Variants in SYPL1 observed in about 807,000 individuals in gnomAD.
The protein encoded by SYPL1 is synaptophysin-like protein 1.
SYPL1 carries 6 observed loss-of-function variants against 23.7 expected under a neutral mutation model. That is an observed-to-expected ratio of 0.25 (90% CI 0.14 to 0.50). The LOEUF is 0.50. SYPL1 is among the 20% of genes least tolerant of loss of function. The probability of loss-of-function intolerance (pLI) is 0.98; values close to 1 mark genes in which losing one functional copy is unlikely to be tolerated. For missense variants in SYPL1, 253 were observed against 288.9 expected, an observed-to-expected ratio of 0.88 and a Z score of 0.90; for synonymous variants, 102 against 104.5, an observed-to-expected ratio of 0.98 and a Z score of 0.15.
At position 106,097,509 on chromosome 7, in the gene SYPL1, G is replaced by A. The variant is rs973550282; in HGVS notation, c.402+181C>T. 6.6e-6 allele frequency among the ~76,000 whole-genome samples: 1 copy of A among 151,980 alleles called. No homozygotes were observed. The highest frequency in any genetic ancestry group is 6.6e-5 in the Admixed American group (1 of 15,264). ...AAAAAAGAAATAAACTTTCCTTATAGTGCAAATAGGCTAAAAAAAATTGAG... is the reference window on the plus strand; with the variant it reads ...AAAAAAGAAATAAACTTTCCTTATAATGCAAATAGGCTAAAAAAAATTGAG... On this transcript the variant is annotated intron_variant, in intron 3 of 4. Coordinates refer to ENST00000455385, the MANE Select transcript of SYPL1 (RefSeq NM_182715.4). The surrounding 1 kb of genome is among the most constrained non-coding windows in gnomAD (Gnocchi z 4.6).
chr7:106,099,079 C>G (rs1207720362), intron 2 of SYPL1, 79 bp downstream of exon 2: 13 of 1,535,906 alleles, frequency 8.5e-6, no homozygotes, highest in Non-Finnish European at 1.1e-5. Context: ...CCCCCACAAT[C>G]AATAAATTGC....
chr7:106,095,794 T>C lies in SYPL1; in HGVS notation c.402+1896A>G, dbSNP rs1173726912. ...CTTAAGGAATTTTGGATTATCTCTTTATATGACCACTAATTGGTCATTCTG... is the reference window on the plus strand; with the variant it reads ...CTTAAGGAATTTTGGATTATCTCTTCATATGACCACTAATTGGTCATTCTG... On this transcript the variant is annotated intron_variant, in intron 3 of 4. Transcript: ENST00000455385. The surrounding 1 kb of genome is among the most constrained non-coding windows in gnomAD (Gnocchi z 4.3). Among the ~76,000 whole-genome samples the C allele has an allele frequency of 6.6e-6, 1 of 152,242 alleles. No individual in the cohort carries two copies. Among genetic ancestry groups the C allele is most frequent in the Non-Finnish European group, 1.5e-5 (1 of 68,042 alleles).
intron 1 of SYPL1, chr7:106,111,792 A>T (rs1189473850): frequency 2.5e-5 from 4 of 160,052 alleles, no homozygotes; most frequent in Non-Finnish European, 2.7e-5. Context: ...TTTCGGTTAG[A>T]CCGCAGCAGG....
At chr7:106,093,550 C>CTGTACTA (rs1192706295) in intron 3 of SYPL1, among the ~76,000 whole-genome samples, 7 of 69,760 alleles carry the variant, frequency 1.0e-4, no homozygotes, top group East Asian at 1.7e-3. Context: ...TCTGGCACCC[C>CTGTACTA]AATCCTAAAA....
At chr7:106,107,160 G>A (rs1840644247) in intron 1 of SYPL1, among the ~76,000 whole-genome samples, 1 of 152,178 alleles carries the variant, frequency 6.6e-6, no homozygotes, top group African/African-American at 2.4e-5. Context: ...TAAGTCAAAT[G>A]ATCATTCAGC....
In SYPL1 at chr7:106,099,591, G is replaced by A. The variant is rs542149500; in HGVS notation, c.70-309C>T. Among the ~76,000 whole-genome samples, 15 of 152,068 alleles carry A rather than the reference G, an allele frequency of 9.9e-5. No individual in the cohort carries two copies. The South Asian group carries it at 1.2e-3, about 13-fold the overall frequency. On this transcript the variant is annotated intron_variant, in intron 1 of 4. Transcript: ENST00000455385. ...TGAATTTTAGTAGAGATGAGGCCTC[G>A]CTATGTTGCTCAGATTGGGCTTGAA...
rs1284270694 is a variant in SYPL1, at chr7:106,095,473, C to A, written c.402+2217G>T. ...CAAGCGATTCTCCTGCCTCAGCCTC[C>A]CAGTAGCTGGGATTACAGGTGCCCA... On this transcript the variant is annotated intron_variant, in intron 3 of 4. Transcript: ENST00000455385. This position sits in a 1 kb window ranked among gnomAD's most constrained non-coding sequence, Gnocchi z 4.3. Among the ~76,000 whole-genome samples, 1 of 152,006 alleles carries A rather than the reference C, an allele frequency of 6.6e-6. No homozygotes were observed. Among genetic ancestry groups the A allele is most frequent in the Non-Finnish European group, 1.5e-5 (1 of 67,988 alleles).
chr7:106,112,396 C>G, upstream of SYPL1: 1 of 1,212,434 alleles, frequency 8.2e-7, no homozygotes, highest in Non-Finnish European at 1.0e-6. Context: ...GGCTGAGACT[C>G]TGGGGCGGAA....
At position 106,097,700 on chromosome 7, in the gene SYPL1, A is replaced by C; in HGVS notation, c.392T>G (p.Leu131Arg). 2 of 1,610,392 alleles carry C rather than the reference A, an allele frequency of 1.2e-6. No homozygotes were observed. The highest frequency in any genetic ancestry group is 1.7e-6 in the Non-Finnish European group (2 of 1,177,950). The stretch of plus-strand genomic sequence containing the variant: ...AAAGTGATTACTTACTATCATAGGA[A>C]GTTTACGACTATCCAGATACAGACT... ...YTSLYLDSRK[L>R]PMIDFVVTLV... Residue 131 changes from leucine (L) to arginine (R), a missense_variant, in exon 3 of 5, where the codon CTT (leucine) becomes CGT (arginine). Physicochemically the swap from Leu to Arg is moderately radical, Grantham distance 102 (BLOSUM62 -2). Coordinates refer to ENST00000455385, the MANE Select transcript of SYPL1 (RefSeq NM_182715.4). The surrounding 1 kb of genome is among the most constrained non-coding windows in gnomAD (Gnocchi z 4.6).
In SYPL1 at chr7:106,112,292, A is replaced by T; in HGVS notation, c.-84T>A. The stretch of plus-strand genomic sequence containing the variant: ...AGACCAGAGCAGCCCGGTGGCGAGG[A>T]AGGGCAGGCGGGGCTGGCGCGCTGG... On this transcript the variant is annotated 5_prime_UTR_variant, in exon 1 of 5. Transcript: ENST00000455385. 7.2e-7 allele frequency: 1 copy of T among 1,388,514 alleles called. No individual in the cohort carries two copies. The highest frequency in any genetic ancestry group is 9.5e-7 in the Non-Finnish European group (1 of 1,054,952). The allele number at this position is 1,388,514 out of a possible 1,614,324, so 86.0% of individuals were successfully genotyped here.
At chr7:106,106,707 T>G (rs939886943) in intron 1 of SYPL1, among the ~76,000 whole-genome samples, 3 of 151,006 alleles carry the variant, frequency 2.0e-5, no homozygotes, top group Non-Finnish European at 4.4e-5. Context: ...TAGCTGGGGG[T>G]GGTGGTGTGT....
At chr7:106,112,378 G>T, upstream of SYPL1, 1 of 1,304,644 alleles carries the variant, frequency 7.7e-7, no homozygotes. Context: ...GGCGGCGGTT[G>T]AGCTGCTGGC....
chr7:106,112,122 G>A lies in SYPL1; in HGVS notation c.69+18C>T. 2 of 1,445,940 alleles carry A rather than the reference G, an allele frequency of 1.4e-6. No individual in the cohort carries two copies. Among genetic ancestry groups the A allele is most frequent in the East Asian group, 2.9e-5 (1 of 34,530 alleles). The allele number at this position is 1,445,940 out of a possible 1,614,324, so 89.6% of individuals were successfully genotyped here. ...CGCCGAGCGGCAGGCGGGCCTGGCC[G>A]GCGCGGGCTGCACTCACCCACTCGA... On this transcript the variant is annotated intron_variant, in intron 1 of 4. Transcript: ENST00000455385.
chr7:106,099,347 A>C lies in SYPL1; in HGVS notation c.70-65T>G, dbSNP rs923488817. ...GATAAGCAATACTACAACCAAAACAAGGGTCACTAAAACTGTAAGCACACT... is the reference window on the plus strand; with the variant it reads ...GATAAGCAATACTACAACCAAAACACGGGTCACTAAAACTGTAAGCACACT... On this transcript the variant is annotated intron_variant, in intron 1 of 4. Transcript: ENST00000455385. 5.2e-6 allele frequency: 8 copies of C among 1,534,514 alleles called. No individual in the cohort carries two copies. In the African/African-American group the frequency reaches 8.4e-5, roughly 16 times the overall value.
rs1052093431 is a variant in SYPL1, at chr7:106,112,266, G to A, written c.-58C>T. 2.7e-6 allele frequency: 4 copies of A among 1,504,718 alleles called. No individual in the cohort carries two copies. The highest frequency in any genetic ancestry group is 2.9e-5 in the African/African-American group (2 of 69,918). The allele number at this position is 1,504,718 out of a possible 1,614,324, so 93.2% of individuals were successfully genotyped here. On this transcript the variant is annotated 5_prime_UTR_variant, in exon 1 of 5. Coordinates refer to ENST00000455385, the MANE Select transcript of SYPL1 (RefSeq NM_182715.4). ...CGACGGGGCGGAGGAGGGGACCGAC[G>A]AGACCAGAGCAGCCCGGTGGCGAGG...
At chr7:106,112,431 G>T, upstream of SYPL1, 1 of 1,429,518 alleles carries the variant, frequency 7.0e-7, no homozygotes, top group South Asian at 1.4e-5. Flanking sequence ...CTGGGGAGGC[G>T]AGGGGCGGGC....
chr7:106,091,572 G>C lies in SYPL1; in HGVS notation c.*233C>G, dbSNP rs1839731189. 1 of 378,792 alleles carries C rather than the reference G, an allele frequency of 2.6e-6. No individual in the cohort carries two copies. Among genetic ancestry groups the C allele is most frequent in the Admixed American group, 4.2e-5 (1 of 23,702 alleles). 23.5% of individuals were successfully genotyped at this position (378,792 alleles called of 1,614,324 possible). A position where few individuals can be genotyped will look rare whatever the true frequency, so the allele number is the denominator to read the frequency against. On this transcript the variant is annotated 3_prime_UTR_variant, in exon 5 of 5. Coordinates refer to ENST00000455385, the MANE Select transcript of SYPL1 (RefSeq NM_182715.4). The surrounding 1 kb of genome is among the most constrained non-coding windows in gnomAD (Gnocchi z 5.0). ...AAAAAATTATGGTTCATTTAAAAAT[G>C]TGTATCATTTCATAATAGACCCCTG...
intron 1 of SYPL1, among the ~76,000 whole-genome samples, chr7:106,103,496 G>A (rs969262111): frequency 1.3e-5 from 2 of 152,008 alleles, no homozygotes; most frequent in Non-Finnish European, 2.9e-5. Context: ...CACTATAGCT[G>A]CAGTACCCAG....
rs769177884 is a variant in SYPL1 at position 106,096,663 on chromosome 7, C to G, written c.402+1027G>C. On this transcript the variant is annotated intron_variant, in intron 3 of 4. Transcript: ENST00000455385. This position sits in a 1 kb window ranked among gnomAD's most constrained non-coding sequence, Gnocchi z 4.4. ...AAAGTATAGGACTTCAAATCTAAGT[C>G]CTTTGTTGATACCTCAAAGATTCAA... is the stretch of plus-strand genomic sequence containing the variant. Among the ~76,000 whole-genome samples the G allele has an allele frequency of 2.0e-5, 3 of 152,156 alleles. No individual in the cohort carries two copies. Among genetic ancestry groups the G allele is most frequent in the Non-Finnish European group, 4.4e-5 (3 of 68,022 alleles).
Sources: allele counts gnomAD v4.1 joint callset (sites outside exome capture counted in the v4.1 genomes callset), GRCh38; gene constraint gnomAD v4.1.1; non-coding constraint Gnocchi (gnomAD v3.1); transcripts MANE v1.5; gene names NCBI Gene and HGNC (gene_info 2026-07-23, HGNC 2026-07-21).